The following PREPL variants were observed in gnomAD, a reference collection of about 807,000 sequenced individuals.
PREPL encodes the protein prolyl endopeptidase-like.
Under a neutral mutation model 70.6 loss-of-function variants are expected in PREPL, and 77 were observed. The ratio of observed to expected loss-of-function variants is 1.09; its 90% CI spans 0.91 to 1.32. PREPL has a LOEUF of 1.32. Among genes scored for constraint, PREPL ranks in the 40% most tolerant of loss-of-function variants. PREPL has a pLI of 0.00. For missense variants in PREPL, 1,002 were observed against 778.2 expected (o/e 1.29, Z -3.42); for synonymous variants, 315 against 264.8 (o/e 1.19, Z -1.84).
chr2:44,339,486 A>C, intron 5 of PREPL, 123 bp from the exon 6 acceptor site: 1 of 1,359,172 alleles, frequency 7.4e-7, no homozygotes. Flanking sequence ...GGAAATTAAA[A>C]TAATTCCTTA....
In PREPL at chr2:44,359,846, C is replaced by G. The variant is rs1033494309; in HGVS notation, c.-49+1534G>C. ...AGTTCTCATCCCTCCTTTTCAGGGC[C>G]ATGCCCCACTTAGGTTATGAATAAC... On this transcript the variant is annotated intron_variant, in intron 1 of 13. Transcript: ENST00000409411. The G allele has an allele frequency of 2.5e-5, 16 of 631,568 alleles. No homozygotes were observed. The African/African-American group carries it at 2.9e-4, about 12-fold the overall frequency. The allele number at this position is 631,568 out of a possible 1,614,324, so 39.1% of individuals were successfully genotyped here.
rs548735052 is a variant in PREPL at position 44,328,982 on chromosome 2, C to T, written c.1217G>A (p.Arg406Gln). 5.0e-6 allele frequency: 8 copies of T among 1,614,070 alleles called. No homozygotes were observed. Among genetic ancestry groups the T allele is most frequent in the East Asian group, 4.5e-5 (2 of 44,880 alleles). The change falls in exon 9 of 14, where the codon CGG becomes CAG. Residue 406 changes from arginine to glutamine, a missense_variant. Physicochemically the swap from Arg to Gln is conservative, Grantham distance 43. Transcript: ENST00000409411. ...DLKMNFRPER[R>Q]VLVDDGWILA... The stretch of plus-strand genomic sequence containing the variant: ...TATCCATCCATCATCCACCAGGACC[C>T]GCCTCTCAGGCCTGAAATTCATTTT...
At position 44,323,404 on chromosome 2, in the gene PREPL, A is replaced by G; in HGVS notation, c.1487T>C (p.Phe496Ser). The G allele has an allele frequency of 6.3e-7, 1 of 1,581,008 alleles. No homozygotes were observed. Among genetic ancestry groups the G allele is most frequent in the South Asian group, 1.2e-5 (1 of 85,154 alleles). ...CATCATGGTGTTGAGAACATCCAAGAAAGGTGCCTAAAAAAAAGGCAAAGA... is the reference window on the plus strand; with the variant it reads ...CATCATGGTGTTGAGAACATCCAAGGAAGGTGCCTAAAAAAAAGGCAAAGA... Reference protein sequence around the residue: ...LVRAVTLEAPFLDVLNTMMDT... With the variant: ...LVRAVTLEAPSLDVLNTMMDT... The change falls in exon 11 of 14, where the codon TTC becomes TCC. Residue 496 changes from phenylalanine to serine, a missense_variant. Transcript: ENST00000409411.
In PREPL at chr2:44,322,771, G is replaced by A. The variant is rs749490971; in HGVS notation, c.1713C>T (p.Leu571=). The part of the protein sequence containing the change: ...LKGIVSYTEK[L]KEAIAEHAKD... ...TAGCATGCTCCGCGATGGCTTCCTT[G>A]AGTTTCTCAGTATAACTTACAATTC... The change falls in exon 12 of 14, where the codon CTC becomes CTT. Residue 571 remains leucine (L), a synonymous_variant. Coordinates refer to ENST00000409411, the MANE Select transcript of PREPL (RefSeq NM_001171613.2). The A allele has an allele frequency of 6.2e-7, 1 of 1,613,876 alleles. No individual in the cohort carries two copies. The highest frequency in any genetic ancestry group is 1.3e-5 in the African/African-American group (1 of 75,024).
intron 1 of PREPL, among the ~76,000 whole-genome samples, chr2:44,355,754 TA>T (rs1558521920): frequency 3.6e-4 from 28 of 78,746 alleles, no homozygotes; most frequent in Non-Finnish European, 4.8e-4. Flanking sequence ...CTACATATTA[TA>T]TATATATATA....
chr2:44,353,777 T>C (rs1377758078), intron 1 of PREPL, among the ~76,000 whole-genome samples: 3 of 152,072 alleles, frequency 2.0e-5, no homozygotes, highest in Non-Finnish European at 4.4e-5. Flanking sequence ...AACACTCTTT[T>C]CAACAAATGT....
At chr2:44,361,060 G>A (rs983419737) in intron 1 of PREPL, among the ~76,000 whole-genome samples, 4 of 152,312 alleles carry the variant, frequency 2.6e-5, no homozygotes, top group Admixed American at 2.6e-4. Context: ...CGAATAACAA[G>A]GACCTGCAAA....
chr2:44,338,915 T>C (rs1674923589), intron 6 of PREPL, among the ~76,000 whole-genome samples: 1 of 152,244 alleles, frequency 6.6e-6, no homozygotes, highest in African/African-American at 2.4e-5. Context: ...AGCTACTAAG[T>C]TTGATTTTGT....
At chr2:44,339,070 T>A in intron 6 of PREPL, 77 bp downstream of exon 6, 1 of 1,568,640 alleles carries the variant, frequency 6.4e-7, no homozygotes. Flanking sequence ...AATGAGCTCT[T>A]GGAGCAAGAA....
chr2:44,359,557 C>T (rs1200770741), intron 1 of PREPL: 1 of 1,613,406 alleles, frequency 6.2e-7, no homozygotes. Context: ...TGGGTTTATT[C>T]TGAAGACACT....
chr2:44,337,635 C>G (rs1674769110), intron 7 of PREPL, among the ~76,000 whole-genome samples: 1 of 152,156 alleles, frequency 6.6e-6, no homozygotes, highest in African/African-American at 2.4e-5. Context: ...GGAAGCCATC[C>G]TCTTCCCTTC....
intron 1 of PREPL, among the ~76,000 whole-genome samples, chr2:44,349,142 G>A (rs1000158305): frequency 6.6e-6 from 1 of 152,198 alleles, no homozygotes; most frequent in Admixed American, 6.5e-5. Context: ...AATAGAAGGA[G>A]AATGATATGT....
At chr2:44,336,549 G>A (rs1674663392) in intron 7 of PREPL, among the ~76,000 whole-genome samples, 1 of 151,932 alleles carries the variant, frequency 6.6e-6, no homozygotes. Flanking sequence ...GTTGAAGGAG[G>A]GTGAGGATTG....
Position 44,345,805 on chromosome 2 carries a change from T to C in PREPL, c.75+463A>G, listed in dbSNP as rs1371631980. On this transcript the variant is annotated intron_variant, in intron 2 of 13. Coordinates refer to ENST00000409411, the MANE Select transcript of PREPL (RefSeq NM_001171613.2). The stretch of plus-strand genomic sequence containing the variant: ...GTAATTTTCAAATAATAACAAAGTA[T>C]GAACTACTTTCATTTGAACTTCTCC... Among the ~76,000 whole-genome samples, 4 of 152,208 alleles carry C rather than the reference T, an allele frequency of 2.6e-5. No individual in the cohort carries two copies. The East Asian group carries it at 7.7e-4, about 29-fold the overall frequency.
At chr2:44,331,062 G>T (rs972757569) in intron 8 of PREPL, among the ~76,000 whole-genome samples, 7 of 152,112 alleles carry the variant, frequency 4.6e-5, no homozygotes, top group African/African-American at 1.7e-4. Flanking sequence ...CCCACATCAG[G>T]TTCCCAAGAA....
chr2:44,320,311 G>C lies in PREPL; in HGVS notation c.*1045C>G. 6.2e-7 allele frequency: 1 copy of C among 1,614,084 alleles called. No individual in the cohort carries two copies. The highest frequency in any genetic ancestry group is 8.5e-7 in the Non-Finnish European group (1 of 1,179,936). On this transcript the variant is annotated 3_prime_UTR_variant, in exon 14 of 14. Coordinates refer to ENST00000409411, the MANE Select transcript of PREPL (RefSeq NM_001171613.2). ...TGGTTTTGCCATTTGAGGAATGACA[G>C]CCACTATGTTGTGTACACAAGAGAG...
chr2:44,328,154 C>G (rs1673715182), intron 9 of PREPL, among the ~76,000 whole-genome samples: 1 of 151,320 alleles, frequency 6.6e-6, no homozygotes, highest in Admixed American at 6.6e-5. Flanking sequence ...GGAGTTATGG[C>G]AGGCACCTGT....
intron 1 of PREPL, chr2:44,359,532 C>T (rs1296900586): frequency 6.2e-7 from 1 of 1,613,276 alleles, no homozygotes; most frequent in Admixed American, 1.7e-5. Context: ...ATGTTTCTTG[C>T]TAACTCTGAT....
intron 5 of PREPL, among the ~76,000 whole-genome samples, chr2:44,339,705 T>C (rs577484999): frequency 7.2e-5 from 11 of 152,302 alleles, no homozygotes; most frequent in Non-Finnish European, 1.0e-4. Flanking sequence ...CCATCTTTAT[T>C]TGGATGCATT....
Sources: allele counts gnomAD v4.1 joint callset (sites outside exome capture counted in the v4.1 genomes callset), GRCh38; gene constraint gnomAD v4.1.1; transcripts MANE v1.5; gene names NCBI Gene and HGNC (gene_info 2026-07-23, HGNC 2026-07-21).